The following FAM153A variants were observed in gnomAD, a reference collection of about 807,000 sequenced individuals.
FAM153A encodes the protein family with sequence similarity 153 member A, also known as protein FAM153A.
FAM153A carries 12 observed loss-of-function variants against 48.1 expected under a neutral mutation model. The observed-to-expected ratio is 0.25, with a 90% CI of 0.16 to 0.40. The LOEUF (loss-of-function observed/expected upper bound fraction) is 0.40, where lower values mean the gene tolerates loss of function less well. FAM153A is among the 10% of genes least tolerant of loss of function. The probability of loss-of-function intolerance (pLI) is 1.00; values close to 1 mark genes in which losing one functional copy is unlikely to be tolerated. For synonymous variants in FAM153A, 36 were observed against 118.2 expected (o/e 0.30, Z 4.51); for missense variants, 111 against 345.8 (o/e 0.32, Z 5.38).
At chr5:177,723,352 C>CAT (rs1761554545), downstream of FAM153A, 1 of 119,874 alleles carries the variant, frequency 8.3e-6, no homozygotes, top group African/African-American at 3.0e-5. Flanking sequence ...CACACACACA[C>CAT]ATTCATATGT....
At chr5:177,738,710 G>A (rs1765073831) in intron 10 of FAM153A, among the ~76,000 whole-genome samples, 2 of 151,232 alleles carry the variant, frequency 1.3e-5, no homozygotes, top group African/African-American at 4.9e-5. Flanking sequence ...AGCTGTGGTG[G>A]AGGATAAATG....
the FAM153A span, among the ~76,000 whole-genome samples, chr5:177,696,072 C>T: frequency 5.7e-5 from 7 of 122,260 alleles, no homozygotes; most frequent in Non-Finnish European, 8.5e-5. Flanking sequence ...AGATGATGGG[C>T]GGCCGGGCAG....
chr5:177,760,922 G>A (rs1768253448), intron 1 of FAM153A, among the ~76,000 whole-genome samples: 1 of 148,880 alleles, frequency 6.7e-6, no homozygotes, highest in Non-Finnish European at 1.5e-5. Flanking sequence ...CCCAAATGCT[G>A]GTAGAAAACA....
At chr5:177,697,720 T>C in the FAM153A span, among the ~76,000 whole-genome samples, 3 of 151,826 alleles carry the variant, frequency 2.0e-5, no homozygotes, top group South Asian at 2.1e-4. Context: ...TCTCTGAGGA[T>C]TGGGGGACTC....
At chr5:177,713,146 T>C (rs2127556668) in exon 27 of FAM153A, 1 of 152,138 alleles carries the variant, frequency 6.6e-6, no homozygotes, top group Middle Eastern at 3.4e-3. Context: ...GAAGTCCAAA[T>C]GGCCTCACAA....
the FAM153A span, among the ~76,000 whole-genome samples, chr5:177,701,065 G>A: frequency 7.3e-5 from 11 of 151,610 alleles, no homozygotes; most frequent in Non-Finnish European, 1.3e-4. Context: ...GTGATAGTGA[G>A]TTCCCTTGAG....
intron 10 of FAM153A, among the ~76,000 whole-genome samples, 200 bp downstream of exon 12, chr5:177,738,913 T>C (rs534824687): frequency 4.6e-4 from 69 of 151,018 alleles, no homozygotes; most frequent in Non-Finnish European, 1.6e-4. Flanking sequence ...TTCGATTTCA[T>C]AGAATGACAC....
chr5:177,696,080 C>T, the FAM153A span, among the ~76,000 whole-genome samples: 47 of 140,504 alleles, frequency 3.3e-4, no homozygotes, highest in African/African-American at 1.2e-3. Context: ...GGCGGCCGGG[C>T]AGAGGCGCTC....
chr5:177,761,039 T>C (rs146300120), intron 1 of FAM153A, among the ~76,000 whole-genome samples: 4 of 151,812 alleles, frequency 2.6e-5, no homozygotes, highest in Admixed American at 6.6e-5. Flanking sequence ...AGAAGTCTTA[T>C]GAAGCGGGAC....
At chr5:177,696,442 T>C in the FAM153A span, among the ~76,000 whole-genome samples, 1 of 151,946 alleles carries the variant, frequency 6.6e-6, no homozygotes, top group Admixed American at 6.6e-5. Flanking sequence ...TCCTCACATC[T>C]CAGTTTTTGA....
downstream of FAM153A, among the ~76,000 whole-genome samples, chr5:177,709,064 C>T (rs1045984465): frequency 2.4e-5 from 3 of 127,320 alleles, no homozygotes; most frequent in African/African-American, 9.4e-5. Context: ...CACTGCACCC[C>T]AGCCTGGTGA....
upstream of FAM153A, among the ~76,000 whole-genome samples, chr5:177,758,184 GACAA>G (rs1204777829): frequency 8.5e-6 from 1 of 117,456 alleles, no homozygotes; most frequent in African/African-American, 2.9e-5. Context: ...ACCAATAACA[GACAA>G]ACAGAGAGCC....
At chr5:177,760,161 G>C (rs1768176324) in intron 1 of FAM153A, among the ~76,000 whole-genome samples, 1 of 149,400 alleles carries the variant, frequency 6.7e-6, no homozygotes, top group African/African-American at 2.5e-5. Context: ...ACATATATGA[G>C]AGAGAGTGAG....
chr5:177,772,246 G>T lies in FAM153A; in HGVS notation c.-57+8203C>A, dbSNP rs1582540448. Among the ~76,000 whole-genome samples the T allele has an allele frequency of 2.1e-5, 2 of 94,998 alleles. 1 individual carries two copies. The highest frequency in any genetic ancestry group is 7.7e-4 in the South Asian group (2 of 2,614). 62.3% of individuals were successfully genotyped at this position (94,998 alleles called of 152,430 possible). ...ATTAAAGCCATAAAAGAAATAAGTG[G>T]GGGGAGGAGCCAAGATGGCCGAATA... On this transcript the variant is annotated intron_variant, in intron 1 of 8. Transcript: ENST00000393518.
chr5:177,744,777 CA>C (rs1394716284), intron 5 of FAM153A, 110 bp downstream of exon 7: 1 of 515,150 alleles, frequency 1.9e-6, no homozygotes, highest in African/African-American at 3.4e-5. Flanking sequence ...CCCCCAAGGA[CA>C]CTGTGTAACT....
At chr5:177,749,684 A>G (rs1172077462) in intron 2 of FAM153A, among the ~76,000 whole-genome samples, 1 of 126,326 alleles carries the variant, frequency 7.9e-6, no homozygotes, top group Non-Finnish European at 1.6e-5. Flanking sequence ...CAAATTTCCT[A>G]GCTTAGATGA....
rs1768995331 is a variant in FAM153A, at chr5:177,769,620, T to TA, written c.-57+10828_-57+10829insT. 2.1e-5 allele frequency among the ~76,000 whole-genome samples: 2 copies of TA among 96,580 alleles called. 1 individual carries two copies. Among genetic ancestry groups the TA allele is most frequent in the Non-Finnish European group, 4.3e-5 (2 of 46,692 alleles). The allele number at this position is 96,580 out of a possible 152,430, so 63.4% of individuals were successfully genotyped here. ...GCAACAGGGATCCTTGCAAAAACTT[T>TA]CCAGCTGCCAGTGGAGAAGAGCTCA... is the stretch of plus-strand genomic sequence containing the variant. On this transcript the variant is annotated intron_variant, in intron 1 of 8. Coordinates refer to the FAM153A transcript ENST00000393518.
downstream of FAM153A, among the ~76,000 whole-genome samples, chr5:177,717,646 G>A (rs527429958): frequency 5.9e-4 from 85 of 144,490 alleles, 7 homozygotes; most frequent in African/African-American, 2.2e-3. Context: ...ATCAGCAATC[G>A]TGGGACAAAC....
At chr5:177,707,812 C>T (rs147528159), downstream of FAM153A, among the ~76,000 whole-genome samples, 731 of 151,862 alleles carry the variant, frequency 4.8e-3, 12 homozygotes, top group African/African-American at 0.017. Context: ...CCACCCACCT[C>T]GGACTCCCAA....
Sources: allele counts gnomAD v4.1 joint callset (sites outside exome capture counted in the v4.1 genomes callset), GRCh38; gene constraint gnomAD v4.1.1; transcripts MANE v1.5; gene names NCBI Gene and HGNC (gene_info 2026-07-23, HGNC 2026-07-21).